The following CSMD1 variants were observed in gnomAD, a reference collection of about 807,000 sequenced individuals.
CSMD1 encodes CUB and Sushi multiple domains 1.
In CSMD1, 213 loss-of-function variants were observed where a neutral mutation model predicts 417.5. That is an observed-to-expected ratio of 0.51 (90% CI 0.46 to 0.57). CSMD1 has a LOEUF of 0.57. Ranked by LOEUF, CSMD1 falls within the 20% of genes least tolerant of loss-of-function variation. The probability of loss-of-function intolerance (pLI) is 0.00; values close to 1 mark genes in which losing one functional copy is unlikely to be tolerated. For missense variants in CSMD1, 6,923 were observed against 4,529.7 expected, an observed-to-expected ratio of 1.53 and a Z score of -15.17; for synonymous variants, 2,862 against 1,736.8, an observed-to-expected ratio of 1.65 and a Z score of -16.11.
chr8:4,759,133 C>A lies in CSMD1; in HGVS notation c.86-121575G>T, dbSNP rs1489988849. 3.9e-5 allele frequency among the ~76,000 whole-genome samples: 6 copies of A among 152,288 alleles called. 1 individual carries two copies. In the South Asian group the frequency reaches 8.3e-4, roughly 21 times the overall value. ...CATTTGGGCTGAGGGAGAAGGTGAACTTTGACACATTTGTAAAGGCCTCAG... is the reference window on the plus strand; with the variant it reads ...CATTTGGGCTGAGGGAGAAGGTGAAATTTGACACATTTGTAAAGGCCTCAG... On this transcript the variant is annotated intron_variant, in intron 1 of 69. Transcript: ENST00000635120.
chr8:3,513,510 C>T (rs1406262270), intron 10 of CSMD1, among the ~76,000 whole-genome samples: 1 of 152,012 alleles, frequency 6.6e-6, no homozygotes. Context: ...TGAGTCAATA[C>T]TCCTTAATAA....
At chr8:3,086,931 G>A (rs1585313641) in intron 49 of CSMD1, among the ~76,000 whole-genome samples, 166 bp downstream of exon 49, 1 of 152,150 alleles carries the variant, frequency 6.6e-6, no homozygotes, top group African/African-American at 2.4e-5. Context: ...TACATGTCAG[G>A]AAAGTTTGCA....
intron 20 of CSMD1, 57 bp downstream of exon 20, chr8:3,366,975 A>G (rs1384525063): frequency 3.0e-6 from 4 of 1,320,926 alleles, no homozygotes; most frequent in African/African-American, 1.4e-5. Context: ...CATTCTCACT[A>G]ACAGAAATGG....
At chr8:3,435,528 C>G (rs7018165) in intron 12 of CSMD1, among the ~76,000 whole-genome samples, 17,527 of 152,130 alleles carry the variant, frequency 0.12, 1,049 homozygotes, top group Middle Eastern at 0.17. Flanking sequence ...CCTCTCCACT[C>G]TGTCCACCTC....
intron 3 of CSMD1, among the ~76,000 whole-genome samples, chr8:4,178,051 A>C (rs1030233463): frequency 3.3e-5 from 5 of 152,302 alleles, no homozygotes; most frequent in African/African-American, 9.6e-5. Context: ...ATAAATAGAA[A>C]AAGAGGGCAC....
chr8:3,390,361 A>C (rs1811277882), intron 17 of CSMD1, among the ~76,000 whole-genome samples: 1 of 150,074 alleles, frequency 6.7e-6, no homozygotes, highest in African/African-American at 2.5e-5. Context: ...TCTCAAAAAA[A>C]AAAAAAAAAA....
chr8:3,279,139 C>A (rs915589574), intron 26 of CSMD1: 2 of 152,090 alleles, frequency 1.3e-5, no homozygotes, highest in Non-Finnish European at 2.9e-5. Flanking sequence ...GTCAGACCAG[C>A]GTCTTCGTGT....
chr8:3,520,369 C>A (rs568698394), intron 10 of CSMD1, among the ~76,000 whole-genome samples: 2 of 151,890 alleles, frequency 1.3e-5, no homozygotes, highest in Non-Finnish European at 2.9e-5. Flanking sequence ...AATTATGATC[C>A]TCAAAAATAA....
chr8:4,260,999 A>C (rs1021989054), intron 3 of CSMD1, among the ~76,000 whole-genome samples: 3 of 152,202 alleles, frequency 2.0e-5, no homozygotes, highest in African/African-American at 7.2e-5. Flanking sequence ...CGTATCATTC[A>C]ATTAAAATAC....
chr8:4,911,765 T>C (rs1024310189), intron 1 of CSMD1, among the ~76,000 whole-genome samples: 3 of 152,172 alleles, frequency 2.0e-5, no homozygotes, highest in African/African-American at 7.2e-5. Context: ...TTCTTGGGCT[T>C]CCAACATAGA....
chr8:3,671,056 A>T (rs954982915), intron 7 of CSMD1, among the ~76,000 whole-genome samples: 1 of 125,598 alleles, frequency 8.0e-6, no homozygotes, highest in Non-Finnish European at 1.8e-5. Flanking sequence ...TGTATATAGG[A>T]TATATATGTA....
At chr8:4,866,220 C>G (rs535118949) in intron 1 of CSMD1, among the ~76,000 whole-genome samples, 4 of 152,028 alleles carry the variant, frequency 2.6e-5, no homozygotes, top group African/African-American at 7.2e-5. Context: ...TCTATAAAAA[C>G]TTAATGTACC....
chr8:4,236,031 TTTTGTTTG>T (rs1312581405), intron 3 of CSMD1, among the ~76,000 whole-genome samples: 16 of 20,584 alleles, frequency 7.8e-4, no homozygotes, highest in Admixed American at 2.8e-3. Context: ...ATATTGTTTT[TTTTGTTTG>T]TTTTTTTTTT....
At chr8:4,076,046 G>T (rs896915265) in intron 3 of CSMD1, among the ~76,000 whole-genome samples, 2 of 152,152 alleles carry the variant, frequency 1.3e-5, no homozygotes, top group African/African-American at 4.8e-5. Flanking sequence ...AAAGATAAGT[G>T]ATATGGTTTG....
chr8:4,176,938 C>T (rs28694465), intron 3 of CSMD1, among the ~76,000 whole-genome samples: 230 of 149,510 alleles, frequency 1.5e-3, no homozygotes, highest in Non-Finnish European at 2.8e-3. Flanking sequence ...AGCAAGTCCT[C>T]AGTGACCTAC....
Position 4,856,028 on chromosome 8 carries a change from C to G in CSMD1, c.85+138304G>C, listed in dbSNP as rs577506515. Among the ~76,000 whole-genome samples, 17 of 152,152 alleles carry G rather than the reference C, an allele frequency of 1.1e-4. No individual in the cohort carries two copies. The South Asian group carries it at 3.5e-3, about 32-fold the overall frequency. Reference sequence around the variant, plus strand: ...GCAGCCAGAGAGAAAGGTCGGGTTACCCTCAAAAGGAAGCCCATCAGAGTA... The same window carrying G: ...GCAGCCAGAGAGAAAGGTCGGGTTAGCCTCAAAAGGAAGCCCATCAGAGTA... On this transcript the variant is annotated intron_variant, in intron 1 of 69. Coordinates refer to ENST00000635120, the MANE Select transcript of CSMD1 (RefSeq NM_033225.6).
intron 3 of CSMD1, among the ~76,000 whole-genome samples, chr8:4,101,913 G>C (rs758928407): frequency 4.6e-5 from 7 of 152,154 alleles, no homozygotes; most frequent in Non-Finnish European, 8.8e-5. Context: ...ATAATGTACA[G>C]CATTTTCCCA....
chr8:4,036,483 G>C (rs978139070), intron 3 of CSMD1, among the ~76,000 whole-genome samples: 1 of 152,140 alleles, frequency 6.6e-6, no homozygotes, highest in East Asian at 1.9e-4. Context: ...AGAAATATTT[G>C]TAAACACCCA....
intron 2 of CSMD1, among the ~76,000 whole-genome samples, chr8:4,499,759 T>G (rs1268437073): frequency 6.6e-6 from 1 of 152,038 alleles, no homozygotes; most frequent in Non-Finnish European, 1.5e-5. Context: ...AATAAGAAAG[T>G]TAGTAAAGGT....
Sources: gnomAD v4.1 joint callset for allele counts (sites outside exome capture counted in the v4.1 genomes callset) on GRCh38, gnomAD v4.1.1 for gene constraint, MANE v1.5 for transcripts, NCBI Gene and HGNC (gene_info 2026-07-23, HGNC 2026-07-21) for gene names.